IQCJ: variants seen among roughly 807,000 people sequenced by gnomAD.
IQCJ encodes the protein IQ motif containing J.
A neutral mutation model predicts 11.0 loss-of-function variants in IQCJ; 9 were observed. The ratio of observed to expected loss-of-function variants is 0.82; its 90% confidence interval spans 0.49 to 1.43. IQCJ has a LOEUF of 1.43. IQCJ is among the 40% of genes most tolerant of loss of function. IQCJ has a pLI of 0.00. For missense variants in IQCJ, 146 were observed against 133.2 expected (o/e 1.10, Z -0.47); for synonymous variants, 55 against 51.3 (o/e 1.07, Z -0.31).
chr3:159,260,419 A>G (rs76593572), intron 3 of IQCJ, among the ~76,000 whole-genome samples: 4,839 of 152,272 alleles, frequency 0.032, 236 homozygotes, highest in African/African-American at 0.11. Flanking sequence ...ACATTTTCTA[A>G]TTTTTAGACA....
At chr3:159,249,502 C>G (rs1727470059) in intron 2 of IQCJ, among the ~76,000 whole-genome samples, 1 of 152,100 alleles carries the variant, frequency 6.6e-6, no homozygotes, top group Admixed American at 6.6e-5. Context: ...CATGCTTGTC[C>G]AGGACAGAGA....
At chr3:159,145,178 T>C (rs533214347) in intron 1 of IQCJ, among the ~76,000 whole-genome samples, 1 of 152,318 alleles carries the variant, frequency 6.6e-6, no homozygotes, top group South Asian at 2.1e-4. Flanking sequence ...AAATAGTAGC[T>C]GAATTGATTT....
Position 159,129,235 on chromosome 3 carries a change from AGC to A in IQCJ, c.9+59795_9+59796del. 1.3e-5 allele frequency among the ~76,000 whole-genome samples: 2 copies of A among 152,154 alleles called. 1 individual carries two copies. Among genetic ancestry groups the A allele is most frequent in the South Asian group, 4.1e-4 (2 of 4,828 alleles). On this transcript the variant is annotated intron_variant, in intron 1 of 3. Transcript: ENST00000397832. ...TGCCTGGGCCACACATCCTGTAACTAGCAGAAAGTTGGGATGATAACAAGTCT... is the reference window on the plus strand; with the variant it reads ...TGCCTGGGCCACACATCCTGTAACTAAGAAAGTTGGGATGATAACAAGTCT...
chr3:159,188,180 G>A (rs2108032327), intron 1 of IQCJ, among the ~76,000 whole-genome samples: 1 of 152,336 alleles, frequency 6.6e-6, no homozygotes, highest in South Asian at 2.1e-4. Flanking sequence ...GGAGGTCGAG[G>A]CGGGTGGATC....
At chr3:159,222,604 G>A (rs2108122271) in intron 1 of IQCJ, among the ~76,000 whole-genome samples, 1 of 152,174 alleles carries the variant, frequency 6.6e-6, no homozygotes, top group South Asian at 2.1e-4. Context: ...AGGATAAATA[G>A]GTCTAGAGGT....
At chr3:159,254,075 G>A (rs1727758104) in intron 3 of IQCJ, among the ~76,000 whole-genome samples, 1 of 152,182 alleles carries the variant, frequency 6.6e-6, no homozygotes, top group Non-Finnish European at 1.5e-5. Context: ...ATCATTTTGT[G>A]TAAGCAGTGT....
At chr3:159,108,370 A>C (rs2134029) in intron 1 of IQCJ, among the ~76,000 whole-genome samples, 3 of 152,030 alleles carry the variant, frequency 2.0e-5, no homozygotes, top group African/African-American at 2.4e-5. Context: ...TAGCATCAAC[A>C]CTAAAAGAGA....
intron 1 of IQCJ, among the ~76,000 whole-genome samples, chr3:159,171,165 G>C (rs1315663413): frequency 6.6e-6 from 1 of 151,178 alleles, no homozygotes; most frequent in African/African-American, 2.4e-5. Flanking sequence ...AACAAAACCA[G>C]CAACGAGGTA....
At chr3:159,123,262 T>C (rs1216633218) in intron 1 of IQCJ, among the ~76,000 whole-genome samples, 1 of 152,190 alleles carries the variant, frequency 6.6e-6, no homozygotes, top group Non-Finnish European at 1.5e-5. Context: ...CTAAAGTCAG[T>C]TCTGCCCTGA....
At chr3:159,212,298 A>T (rs1724999289) in intron 1 of IQCJ, among the ~76,000 whole-genome samples, 1 of 152,112 alleles carries the variant, frequency 6.6e-6, no homozygotes, top group Non-Finnish European at 1.5e-5. Flanking sequence ...TACCACTATC[A>T]CTTTGTAGCT....
chr3:159,116,629 T>C (rs185078267), intron 1 of IQCJ, among the ~76,000 whole-genome samples: 4,579 of 41,316 alleles, frequency 0.11, 612 homozygotes, highest in East Asian at 0.47. Context: ...TATATATATA[T>C]ATATATATAT....
chr3:159,157,165 G>A (rs1721569541), intron 1 of IQCJ, among the ~76,000 whole-genome samples: 1 of 152,156 alleles, frequency 6.6e-6, no homozygotes, highest in South Asian at 2.1e-4. Flanking sequence ...GGAGGAGACT[G>A]AGAAGAAAAA....
intron 1 of IQCJ, among the ~76,000 whole-genome samples, chr3:159,122,677 C>A (rs773805232): frequency 4.6e-5 from 7 of 151,918 alleles, no homozygotes; most frequent in Admixed American, 2.6e-4. Flanking sequence ...AAAAATGATA[C>A]GTGAATAAAG....
At chr3:159,216,693 A>G (rs1023279128) in intron 1 of IQCJ, among the ~76,000 whole-genome samples, 1 of 151,842 alleles carries the variant, frequency 6.6e-6, no homozygotes, top group African/African-American at 2.4e-5. Context: ...ACATACATGC[A>G]TTTTTTTTCC....
intron 3 of IQCJ, among the ~76,000 whole-genome samples, chr3:159,257,470 A>G (rs1342120523): frequency 6.6e-6 from 1 of 152,180 alleles, no homozygotes; most frequent in Non-Finnish European, 1.5e-5. Flanking sequence ...GAAGAGACCT[A>G]TGGAAAGAGC....
At chr3:159,116,672 A>C (rs1187819442) in intron 1 of IQCJ, among the ~76,000 whole-genome samples, 6 of 15,376 alleles carry the variant, frequency 3.9e-4, no homozygotes, top group East Asian at 2.8e-3. Context: ...ATATATATAC[A>C]CCCTTCATCT....
chr3:159,243,040 A>G (rs1444454997), intron 1 of IQCJ, among the ~76,000 whole-genome samples: 1 of 152,218 alleles, frequency 6.6e-6, no homozygotes, highest in East Asian at 1.9e-4. Flanking sequence ...AATTGAAATC[A>G]CAATAAGATA....
At chr3:159,230,399 T>C (rs760065072) in intron 1 of IQCJ, among the ~76,000 whole-genome samples, 6 of 152,260 alleles carry the variant, frequency 3.9e-5, no homozygotes, top group African/African-American at 9.6e-5. Flanking sequence ...ATCTATTGGA[T>C]ATTCCTCTTA....
At position 159,175,933 on chromosome 3, in the gene IQCJ, T is replaced by C. The variant is rs547563971; in HGVS notation, c.10-69910T>C. Among the ~76,000 whole-genome samples, 71 of 152,338 alleles carry C rather than the reference T, an allele frequency of 4.7e-4. 1 individual carries two copies. Among genetic ancestry groups the C allele is most frequent in the Non-Finnish European group, 1.8e-4 (12 of 68,030 alleles). On this transcript the variant is annotated intron_variant, in intron 1 of 3. Coordinates refer to ENST00000397832, the MANE Select transcript of IQCJ (RefSeq NM_001042706.3). ...CCATTTTACATTCCTACCATCAATG[T>C]ATGGGAGTTCCAGTTGTTCCACATC...
Sources: gnomAD v4.1 joint callset for allele counts (sites outside exome capture counted in the v4.1 genomes callset) on GRCh38, gnomAD v4.1.1 for gene constraint, MANE v1.5 for transcripts, NCBI Gene and HGNC (gene_info 2026-07-23, HGNC 2026-07-21) for gene names.